Variants in ARID1B observed in about 807,000 individuals in gnomAD.
The protein encoded by ARID1B is AT-rich interaction domain 1B, also known as AT-rich interactive domain-containing protein 1B.
In ARID1B, 30 loss-of-function variants were observed where a neutral mutation model predicts 212.3. That is an observed-to-expected ratio of 0.14 (90% confidence interval 0.11 to 0.19). The LOEUF (loss-of-function observed/expected upper bound fraction) is 0.19. Ranked by LOEUF, ARID1B falls within the 10% of genes least tolerant of loss-of-function variation. ARID1B has a pLI of 1.00. For synonymous variants in ARID1B, 1,402 were observed against 1,301.7 expected (o/e 1.08, Z -1.66); for missense variants, 2,891 against 3,204.0 (o/e 0.90, Z 2.36).
At chr6:156,960,097 A>C (rs1301123442) in intron 4 of ARID1B, among the ~76,000 whole-genome samples, 1 of 151,728 alleles carries the variant, frequency 6.6e-6, no homozygotes, top group Non-Finnish European at 1.5e-5. Flanking sequence ...TGCCCAGCTA[A>C]TTTTTGTATT....
At chr6:157,146,029 A>T (rs893603382) in intron 7 of ARID1B, among the ~76,000 whole-genome samples, 4 of 152,144 alleles carry the variant, frequency 2.6e-5, no homozygotes, top group Admixed American at 6.5e-5. Context: ...ATAAATCTCA[A>T]ACTTAGAAGC....
At chr6:157,138,945 GTCT>G (rs1414468944) in intron 7 of ARID1B, among the ~76,000 whole-genome samples, 1 of 152,166 alleles carries the variant, frequency 6.6e-6, no homozygotes, top group African/African-American at 2.4e-5. Flanking sequence ...ACGTAATCAA[GTCT>G]TCTTGTGATG....
At chr6:157,010,294 T>G (rs1186240951) in intron 4 of ARID1B, among the ~76,000 whole-genome samples, 20 of 146,500 alleles carry the variant, frequency 1.4e-4, no homozygotes, top group Non-Finnish European at 6.0e-5. Context: ...TTTTTTTTTT[T>G]TTTTTTTTTT....
chr6:156,827,911 C>T (rs1347686675), intron 1 of ARID1B, among the ~76,000 whole-genome samples: 1 of 151,682 alleles, frequency 6.6e-6, no homozygotes, highest in Non-Finnish European at 1.5e-5. Context: ...TAGGCGTGCA[C>T]TACCATGCCC....
chr6:157,121,814 T>G (rs1042200298), intron 6 of ARID1B, among the ~76,000 whole-genome samples: 1 of 152,070 alleles, frequency 6.6e-6, no homozygotes, highest in Admixed American at 6.5e-5. Flanking sequence ...GTATTTTTAG[T>G]AAAGACAGTG....
intron 4 of ARID1B, among the ~76,000 whole-genome samples, chr6:156,980,360 G>A (rs1777528988): frequency 6.6e-6 from 1 of 152,066 alleles, no homozygotes; most frequent in African/African-American, 2.4e-5. Context: ...GTGGGCGCCT[G>A]TAATCCCAGC....
chr6:156,845,557 C>T (rs1784177917), intron 2 of ARID1B, among the ~76,000 whole-genome samples: 1 of 152,060 alleles, frequency 6.6e-6, no homozygotes, highest in Non-Finnish European at 1.5e-5. Flanking sequence ...TGTTGTTCCC[C>T]CACTGTCCTC....
At chr6:156,960,621 TAA>T (rs1462361059) in intron 4 of ARID1B, among the ~76,000 whole-genome samples, 2 of 152,180 alleles carry the variant, frequency 1.3e-5, no homozygotes, top group Non-Finnish European at 2.9e-5. Flanking sequence ...GCTAGAGTCT[TAA>T]AAATTCAAGC....
chr6:156,992,787 C>CAT (rs1778347395), intron 4 of ARID1B, among the ~76,000 whole-genome samples: 1 of 152,152 alleles, frequency 6.6e-6, no homozygotes, highest in Non-Finnish European at 1.5e-5. Context: ...CGGTGGGCAA[C>CAT]ATAAGGGTCA....
chr6:156,898,734 G>T (rs1788687903), intron 2 of ARID1B, among the ~76,000 whole-genome samples: 1 of 152,222 alleles, frequency 6.6e-6, no homozygotes, highest in African/African-American at 2.4e-5. Context: ...CACTTTGGGA[G>T]GCTGAGGTGG....
In ARID1B at chr6:157,182,654, G is replaced by A. The variant is rs538014702; in HGVS notation, c.3714+1476G>A. Among the ~76,000 whole-genome samples, 3 of 152,262 alleles carry A rather than the reference G, an allele frequency of 2.0e-5. No homozygotes were observed. In the East Asian group the frequency reaches 5.8e-4, roughly 29 times the overall value. On this transcript the variant is annotated intron_variant, in intron 12 of 19. Coordinates refer to ENST00000636930, the MANE Select transcript of ARID1B (RefSeq NM_001374828.1). Reference sequence around the variant, plus strand: ...TCTTTGTGCTTAGCCTTCCCACTAGGTGCCTAATCCATTCCATGGGGGAAC... The same window carrying A: ...TCTTTGTGCTTAGCCTTCCCACTAGATGCCTAATCCATTCCATGGGGGAAC...
intron 2 of ARID1B, among the ~76,000 whole-genome samples, chr6:156,868,504 G>A (rs928887358): frequency 2.6e-5 from 4 of 152,250 alleles, no homozygotes; most frequent in Non-Finnish European, 5.9e-5. Context: ...GGATCAAGAT[G>A]CTTGGCAGAT....
chr6:156,870,843 A>G (rs1786070404), intron 2 of ARID1B, among the ~76,000 whole-genome samples: 1 of 152,210 alleles, frequency 6.6e-6, no homozygotes, highest in Admixed American at 6.5e-5. Context: ...CTAGACTCAG[A>G]ACTAGAATAT....
chr6:157,205,754 G>C (rs1270410822), intron 19 of ARID1B: 1 of 167,262 alleles, frequency 6.0e-6, no homozygotes, highest in African/African-American at 2.4e-5. Context: ...TAATAGAAGA[G>C]AACAGAGTCA....
intron 4 of ARID1B, among the ~76,000 whole-genome samples, chr6:157,019,687 G>A (rs1234619377): frequency 6.6e-6 from 1 of 152,104 alleles, no homozygotes; most frequent in Non-Finnish European, 1.5e-5. Context: ...CCTTTGTGAT[G>A]CCTTTTTATG....
At chr6:156,787,266 G>T (rs951240184) in intron 1 of ARID1B, among the ~76,000 whole-genome samples, 1 of 152,156 alleles carries the variant, frequency 6.6e-6, no homozygotes, top group African/African-American at 2.4e-5. Context: ...GATTGCTGGG[G>T]TATTTTTGGT....
At chr6:156,790,385 AAATT>A (rs1330391828) in intron 1 of ARID1B, among the ~76,000 whole-genome samples, 1 of 152,204 alleles carries the variant, frequency 6.6e-6, no homozygotes, top group Non-Finnish European at 1.5e-5. Flanking sequence ...AGTGGTGATT[AAATT>A]AATTAAGATA....
intron 3 of ARID1B, among the ~76,000 whole-genome samples, chr6:156,919,485 T>G (rs1027632135): frequency 5.9e-5 from 9 of 152,222 alleles, no homozygotes; most frequent in African/African-American, 2.2e-4. Context: ...GGAAGGCTCC[T>G]CCTGAGAAGA....
intron 2 of ARID1B, among the ~76,000 whole-genome samples, chr6:156,886,977 A>T (rs1787557695): frequency 6.6e-6 from 1 of 152,260 alleles, no homozygotes; most frequent in East Asian, 1.9e-4. Flanking sequence ...TGTTCCACTG[A>T]CCCTACCTTT....
Sources: allele counts gnomAD v4.1 joint callset (sites outside exome capture counted in the v4.1 genomes callset), GRCh38; gene constraint gnomAD v4.1.1; transcripts MANE v1.5; gene names NCBI Gene and HGNC (gene_info 2026-07-23, HGNC 2026-07-21).